Variants in FREM3 observed in about 807,000 individuals in gnomAD.
FREM3 encodes FRAS1-related extracellular matrix protein 3.
In FREM3, 105 loss-of-function variants were observed where a neutral mutation model predicts 129.1. That is an observed-to-expected ratio of 0.81 (90% confidence interval 0.69 to 0.96). The LOEUF is 0.96. FREM3 is among the 40% of genes least tolerant of loss of function. The probability of loss-of-function intolerance (pLI) is 0.00; values close to 1 mark genes in which losing one functional copy is unlikely to be tolerated. For missense variants in FREM3, 2,593 were observed against 2,666.3 expected (o/e 0.97, Z 0.61); for synonymous variants, 1,014 against 1,044.9 (o/e 0.97, Z 0.57).
intron 2 of FREM3, among the ~76,000 whole-genome samples, chr4:143,668,874 G>A (rs773301148): frequency 6.6e-6 from 1 of 152,176 alleles, no homozygotes; most frequent in Non-Finnish European, 1.5e-5. Flanking sequence ...CAGTATATCT[G>A]TGCCTTGATA....
At chr4:143,617,875 ACAGAC>A (rs1377220194) in intron 5 of FREM3, among the ~76,000 whole-genome samples, 1 of 152,180 alleles carries the variant, frequency 6.6e-6, no homozygotes, top group East Asian at 1.9e-4. Flanking sequence ...TTGAGGCTGG[ACAGAC>A]CAGCTATTGT....
chr4:143,635,782 A>G (rs1301326727), intron 2 of FREM3, among the ~76,000 whole-genome samples: 2 of 152,230 alleles, frequency 1.3e-5, no homozygotes, highest in Non-Finnish European at 2.9e-5. Context: ...CATTGCCTAA[A>G]TTAATCCAAG....
rs151336756 is a variant in FREM3, at chr4:143,594,210, C to G, written c.6029-8217G>C. Among the ~76,000 whole-genome samples the G allele has an allele frequency of 2.7e-3, 405 of 152,324 alleles. 4 individuals are homozygous for G. The highest frequency in any genetic ancestry group is 8.6e-3 in the African/African-American group (357 of 41,568). On this transcript the variant is annotated intron_variant, in intron 6 of 7. Transcript: ENST00000329798. Reference sequence around the variant, plus strand: ...CGATGCCTGGTCCTGCTCCATCTCACACACGGTGCACTGCACCCACTGCCC... The same window carrying G: ...CGATGCCTGGTCCTGCTCCATCTCAGACACGGTGCACTGCACCCACTGCCC...
At chr4:143,662,261 T>C (rs1739745246) in intron 2 of FREM3, among the ~76,000 whole-genome samples, 1 of 152,196 alleles carries the variant, frequency 6.6e-6, no homozygotes, top group South Asian at 2.1e-4. Context: ...CTGCTTTGAA[T>C]GTGTCCCAGA....
chr4:143,696,548 G>A lies in FREM3; in HGVS notation c.4128C>T (p.Thr1376=). Residue 1376 remains threonine (T), a synonymous_variant, in exon 1 of 8, where the codon ACC becomes ACT. Transcript: ENST00000329798. ...TGAGGCCTCTGTTAATCTCATCCTG[G>A]GTAAAGTTCATTCCCAGAGTAAGAT... The part of the protein sequence containing the change: ...RNNLTLGMNF[T]QDEINRGLIC... 1 of 1,537,390 alleles carries A rather than the reference G, an allele frequency of 6.5e-7. No individual in the cohort carries two copies. Among genetic ancestry groups the A allele is most frequent in the Non-Finnish European group, 8.7e-7 (1 of 1,146,950 alleles).
chr4:143,580,272 T>C (rs942713659), intron 7 of FREM3, among the ~76,000 whole-genome samples: 5 of 151,856 alleles, frequency 3.3e-5, no homozygotes, highest in East Asian at 1.9e-4. Flanking sequence ...ACAGAGAACA[T>C]AGAAGAGTGA....
chr4:143,665,074 G>A (rs970551678), intron 2 of FREM3, among the ~76,000 whole-genome samples: 17 of 151,466 alleles, frequency 1.1e-4, no homozygotes, highest in Admixed American at 2.6e-4. Context: ...GCTTTGGCTC[G>A]CGCACGGTGT....
chr4:143,669,404 G>A (rs1325852808), intron 2 of FREM3, among the ~76,000 whole-genome samples: 2 of 152,166 alleles, frequency 1.3e-5, no homozygotes, highest in Non-Finnish European at 2.9e-5. Flanking sequence ...CCCCTGAGTA[G>A]TAGCTTGGAC....
intron 2 of FREM3, among the ~76,000 whole-genome samples, chr4:143,677,563 A>G (rs1740163221): frequency 6.6e-6 from 1 of 152,234 alleles, no homozygotes; most frequent in Non-Finnish European, 1.5e-5. Context: ...TAAACTAAAG[A>G]GCTTCTGGAC....
At chr4:143,667,363 A>G (rs1560864573) in intron 2 of FREM3, among the ~76,000 whole-genome samples, 1 of 152,184 alleles carries the variant, frequency 6.6e-6, no homozygotes, top group Admixed American at 6.5e-5. Context: ...AATTTTGCCA[A>G]CTGAGAATCT....
intron 2 of FREM3, among the ~76,000 whole-genome samples, chr4:143,634,376 C>T (rs967372191): frequency 8.5e-5 from 13 of 152,068 alleles, no homozygotes; most frequent in Non-Finnish European, 1.6e-4. Context: ...CTCAAATGAT[C>T]TAGGCAATTG....
intron 6 of FREM3, among the ~76,000 whole-genome samples, 164 bp downstream of exon 6, chr4:143,611,115 G>T (rs1454686654): frequency 2.0e-5 from 3 of 152,142 alleles, no homozygotes; most frequent in Non-Finnish European, 4.4e-5. Context: ...CATTGGTGTT[G>T]GTGATGTCTA....
intron 6 of FREM3, among the ~76,000 whole-genome samples, chr4:143,595,744 C>T (rs533315922): frequency 8.4e-4 from 128 of 152,078 alleles, no homozygotes; most frequent in African/African-American, 2.9e-3. Flanking sequence ...AAAAATTAGC[C>T]AGGTGTGGTG....
At chr4:143,669,905 T>C (rs1338433478) in intron 2 of FREM3, among the ~76,000 whole-genome samples, 6 of 152,050 alleles carry the variant, frequency 3.9e-5, no homozygotes, top group African/African-American at 1.4e-4. Flanking sequence ...CAATAGGAAG[T>C]TTTTCAGCCC....
chr4:143,650,548 T>G (rs541334732), intron 2 of FREM3, among the ~76,000 whole-genome samples: 1 of 152,316 alleles, frequency 6.6e-6, no homozygotes, highest in East Asian at 1.9e-4. Flanking sequence ...TGGAGTGCAG[T>G]GGCACACTCA....
intron 6 of FREM3, among the ~76,000 whole-genome samples, chr4:143,603,387 A>G (rs1457039768): frequency 6.6e-6 from 1 of 152,172 alleles, no homozygotes; most frequent in Non-Finnish European, 1.5e-5. Flanking sequence ...ATTTTCTCAG[A>G]TTTCTGGGAT....
At chr4:143,689,979 C>A (rs1740435987) in intron 2 of FREM3, among the ~76,000 whole-genome samples, 1 of 147,186 alleles carries the variant, frequency 6.8e-6, no homozygotes, top group Non-Finnish European at 1.5e-5. Flanking sequence ...CTCATGTAAC[C>A]AAATACCACC....
Position 143,700,335 on chromosome 4 carries a change from C to G in FREM3, c.341G>C (p.Arg114Pro). Residue 114 changes from arginine (R) to proline (P), a missense_variant, in exon 1 of 8, where the codon CGC becomes CCC. This residue lies in a region of FREM3 where 2,276 missense variants were observed against 2,267.2 expected (regional missense o/e 1.00). Coordinates refer to ENST00000329798, the MANE Select transcript of FREM3 (RefSeq NM_001168235.2). Reference protein sequence around the residue: ...PRLKGALSPRRFPCTFGPRQV... With the variant: ...PRLKGALSPRPFPCTFGPRQV... ...GCGGGGCCCGAAGGTGCAGGGGAAG[C>G]GGCGCGGGGAGAGCGCGCCCTTGAG... The G allele has an allele frequency of 6.5e-7, 1 of 1,534,660 alleles. No individual in the cohort carries two copies. The highest frequency in any genetic ancestry group is 8.7e-7 in the Non-Finnish European group (1 of 1,145,772).
chr4:143,584,023 A>G (rs540383801), intron 7 of FREM3, among the ~76,000 whole-genome samples: 12 of 152,386 alleles, frequency 7.9e-5, no homozygotes, highest in African/African-American at 2.9e-4. Flanking sequence ...TGCAAGTTAG[A>G]TAAAGAAGAA....
Sources: allele counts gnomAD v4.1 joint callset (sites outside exome capture counted in the v4.1 genomes callset), GRCh38; gene constraint gnomAD v4.1.1; regional missense constraint gnomAD v4.1.1; transcripts MANE v1.5; gene names NCBI Gene and HGNC (gene_info 2026-07-23, HGNC 2026-07-21).